The following QSER1 variants were observed in gnomAD, a reference collection of about 807,000 sequenced individuals.
QSER1 encodes glutamine and serine-rich protein 1.
Under a neutral mutation model 158.5 loss-of-function variants are expected in QSER1, and 49 were observed. The ratio of observed to expected loss-of-function variants is 0.31; its 90% confidence interval spans 0.25 to 0.39. The LOEUF (loss-of-function observed/expected upper bound fraction) is 0.39, where lower values mean the gene tolerates loss of function less well. Among genes scored for constraint, QSER1 ranks in the 10% least tolerant of loss-of-function variants. The probability of loss-of-function intolerance (pLI) is 1.00; values close to 1 mark genes in which losing one functional copy is unlikely to be tolerated. For missense variants in QSER1, 1,754 were observed against 2,010.3 expected (o/e 0.87, Z 2.44); for synonymous variants, 650 against 715.5 (o/e 0.91, Z 1.46).
rs147780130 is a variant in QSER1 at position 32,898,792 on chromosome 11, G to A, written c.209+5458G>A. On this transcript the variant is annotated intron_variant, in intron 1 of 12. Transcript: ENST00000650167. Reference sequence around the variant, plus strand: ...TCTTGCTATGTTGACCAGGCTGGTCGGGAACTCTTGGCCTCAAGCAGTCTT... The same window carrying A: ...TCTTGCTATGTTGACCAGGCTGGTCAGGAACTCTTGGCCTCAAGCAGTCTT... Among the ~76,000 whole-genome samples the A allele has an allele frequency of 1.1e-4, 16 of 152,182 alleles. No homozygotes were observed. In the East Asian group the frequency reaches 1.5e-3, roughly 15 times the overall value.
rs1852087066 is a variant in QSER1 at position 32,933,529 on chromosome 11, A to G, written c.2271A>G (p.Ala757=). ...EDQVIGVALQ[A]SKKEESVVGS... ...AAGTTATTGGGGTTGCTCTGCAAGCATCAAAAAAAGAAGAAAGTGTTGTTG... is the reference window on the plus strand; with the variant it reads ...AAGTTATTGGGGTTGCTCTGCAAGCGTCAAAAAAAGAAGAAAGTGTTGTTG... The change falls in exon 4 of 13, where the codon GCA becomes GCG. Residue 757 remains alanine (A), a synonymous_variant. Transcript: ENST00000650167. The G allele has an allele frequency of 4.3e-6, 7 of 1,613,174 alleles. No homozygotes were observed. The highest frequency in any genetic ancestry group is 5.9e-6 in the Non-Finnish European group (7 of 1,179,738).
intron 4 of QSER1, 79 bp downstream of exon 4, chr11:32,935,514 C>A: frequency 9.4e-7 from 1 of 1,068,402 alleles, no homozygotes; most frequent in Non-Finnish European, 1.3e-6. Flanking sequence ...AAGCTTTTTT[C>A]ACTTAAAGCA....
At chr11:32,967,602 A>G (rs1414379555) in intron 9 of QSER1, among the ~76,000 whole-genome samples, 3 of 152,224 alleles carry the variant, frequency 2.0e-5, no homozygotes, top group African/African-American at 7.2e-5. Context: ...GCAGTGCATG[A>G]CTATATACTG....
At chr11:32,919,450 TA>T (rs1416789550) in intron 1 of QSER1, among the ~76,000 whole-genome samples, 10 of 152,330 alleles carry the variant, frequency 6.6e-5, no homozygotes, top group Admixed American at 3.3e-4. Flanking sequence ...GGAATTTGCC[TA>T]ATGTTTTTTC....
Position 32,935,338 on chromosome 11 carries a change from T to C in QSER1, c.4080T>C (p.Ser1360=), listed in dbSNP as rs777135107. The change falls in exon 4 of 13, where the codon TCT becomes TCC. Residue 1360 remains serine (S), a synonymous_variant. Transcript: ENST00000650167. ...KNLEHLSSFS[S]DEDDPGYSQD... Reference sequence around the variant, plus strand: ...TGGAACATTTATCTTCATTTTCTTCTGATGAAGATGATCCTGGATATAGTC... The same window carrying C: ...TGGAACATTTATCTTCATTTTCTTCCGATGAAGATGATCCTGGATATAGTC... 1.2e-6 allele frequency: 2 copies of C among 1,612,892 alleles called. No individual in the cohort carries two copies. The highest frequency in any genetic ancestry group is 2.2e-5 in the East Asian group (1 of 44,884).
chr11:32,965,178 C>G (rs1564946740), intron 8 of QSER1, among the ~76,000 whole-genome samples: 1 of 152,078 alleles, frequency 6.6e-6, no homozygotes, highest in African/African-American at 2.4e-5. Context: ...GTGGCGCAGT[C>G]ACAGTTCTCT....
intron 4 of QSER1, among the ~76,000 whole-genome samples, chr11:32,943,864 C>G (rs1852283648): frequency 6.6e-6 from 1 of 151,982 alleles, no homozygotes; most frequent in South Asian, 2.1e-4. Context: ...CCATCTGGTC[C>G]TGGACTCTTT....
At chr11:32,911,666 C>G (rs1851768585) in intron 1 of QSER1, among the ~76,000 whole-genome samples, 1 of 152,178 alleles carries the variant, frequency 6.6e-6, no homozygotes, top group African/African-American at 2.4e-5. Context: ...GGCAGTTTCC[C>G]TTGCACTTGC....
At chr11:32,913,473 G>A (rs1851796131) in intron 1 of QSER1, among the ~76,000 whole-genome samples, 1 of 151,768 alleles carries the variant, frequency 6.6e-6, no homozygotes, top group Non-Finnish European at 1.5e-5. Flanking sequence ...GATTACAGGT[G>A]CGAGCTACCG....
In QSER1 at chr11:32,904,192, T is replaced by TC. The variant is rs1218579894; in HGVS notation, c.209+10858_209+10859insC. Among the ~76,000 whole-genome samples, 6 of 150,106 alleles carry TC rather than the reference T, an allele frequency of 4.0e-5. 1 individual carries two copies. Among genetic ancestry groups the TC allele is most frequent in the Admixed American group, 4.0e-4 (6 of 15,082 alleles). On this transcript the variant is annotated intron_variant, in intron 1 of 12. Transcript: ENST00000650167. ...GCAATAGTAAGCATTTCTTTTTCTTTTTTTTTTTTTTTTGTAGGGGAACAG... is the reference window on the plus strand; with the variant it reads ...GCAATAGTAAGCATTTCTTTTTCTTTCTTTTTTTTTTTTTGTAGGGGAACAG...
chr11:32,956,317 G>A (rs1246315560), intron 7 of QSER1, among the ~76,000 whole-genome samples, 196 bp downstream of exon 7: 12 of 152,060 alleles, frequency 7.9e-5, no homozygotes, highest in Non-Finnish European at 1.0e-4. Flanking sequence ...TATCTGTGGT[G>A]GGTGGGTGCC....
intron 4 of QSER1, among the ~76,000 whole-genome samples, chr11:32,942,710 A>T (rs1184970646): frequency 6.6e-6 from 1 of 152,218 alleles, no homozygotes. Flanking sequence ...TATCTTGGCA[A>T]TGCGGGCTCT....
In QSER1 at chr11:32,932,476, T is replaced by A. The variant is rs1590165818; in HGVS notation, c.1218T>A (p.Thr406=). 1 of 1,613,810 alleles carries A rather than the reference T, an allele frequency of 6.2e-7. No individual in the cohort carries two copies. The highest frequency in any genetic ancestry group is 1.3e-5 in the African/African-American group (1 of 75,028). The part of the protein sequence containing the change: ...AIPSSGYPPS[T]TKIKSCSTEQ... ...CATCATCAGGGTATCCTCCTTCTAC[T>A]ACAAAAATAAAAAGCTGTTCTACAG... Residue 406 remains threonine, a synonymous_variant, in exon 4 of 13, where the codon ACT becomes ACA. Transcript: ENST00000650167.
chr11:32,924,597 T>C (rs990652444), intron 1 of QSER1, among the ~76,000 whole-genome samples: 12 of 146,156 alleles, frequency 8.2e-5, no homozygotes, highest in African/African-American at 3.0e-4. Context: ...ATAAAGACAC[T>C]GGAAAATGAA....
rs749141767 is a variant in QSER1, at chr11:32,975,271, A to T, written c.5382A>T (p.Lys1794Asn). The T allele has an allele frequency of 1.9e-6, 3 of 1,573,430 alleles. No individual in the cohort carries two copies. The highest frequency in any genetic ancestry group is 1.9e-5 in the Admixed American group (1 of 53,212). ...SAQEFAVDPE[K>N]IQLYSLYHSL... The stretch of plus-strand genomic sequence containing the variant: ...AGGAGTTTGCTGTCGATCCAGAGAA[A>T]ATACAGTTGTATTCTTTGTATCATT... Residue 1794 changes from lysine to asparagine, a missense_variant, in exon 12 of 13, where the codon AAA becomes AAT. Physicochemically the swap from Lys to Asn is moderately conservative, Grantham distance 94. Around this residue, in one of 2 missense-constraint regions of QSER1, gnomAD observed 47 missense variants for 90.7 expected, o/e 0.52. Coordinates refer to ENST00000650167, the MANE Select transcript of QSER1 (RefSeq NM_001076786.3).
chr11:32,967,238 A>T (rs56035791), intron 9 of QSER1, among the ~76,000 whole-genome samples: 1 of 152,206 alleles, frequency 6.6e-6, no homozygotes, highest in African/African-American at 2.4e-5. Context: ...TGGAGAACCA[A>T]ATATCACATG....
rs115800690 is a variant in QSER1 at position 32,962,492 on chromosome 11, C to G, written c.4970-3808C>G. 2.4e-4 allele frequency among the ~76,000 whole-genome samples: 37 copies of G among 152,150 alleles called. No homozygotes were observed. The East Asian group carries it at 6.9e-3, about 29-fold the overall frequency. On this transcript the variant is annotated intron_variant, in intron 8 of 12. Transcript: ENST00000650167. ...TCTTTTTCACTTTCTTGATAATATC[C>G]TTTGATGCACAAAAGTTTTAAATTT... is the stretch of plus-strand genomic sequence containing the variant.
chr11:32,892,863 T>TCGCCGC lies in QSER1; in HGVS notation c.-262_-257dup, dbSNP rs1851498860. On this transcript the variant is annotated 5_prime_UTR_variant, in exon 1 of 13. Transcript: ENST00000650167. ...GCAGCGGCCGCCGCCGCCGCCGCCGTCGCCGCGAGTCCCGGCCGCGGGTGC... is the reference window on the plus strand; with the variant it reads ...GCAGCGGCCGCCGCCGCCGCCGCCGTCGCCGCCGCCGCGAGTCCCGGCCGCGGGTGC... 3.4e-5 allele frequency among the ~76,000 whole-genome samples: 1 copy of TCGCCGC among 29,264 alleles called. No homozygotes were observed. The highest frequency in any genetic ancestry group is 6.8e-5 in the Non-Finnish European group (1 of 14,728). The allele number at this position is 29,264 out of a possible 152,430, so 19.2% of individuals were successfully genotyped here.
Position 32,932,834 on chromosome 11 carries a change from A to C in QSER1, c.1576A>C (p.Asn526His), listed in dbSNP as rs755174623. ...PENQTLNYSS[N>H]QQEVLSSVTN... ...AAATCAGACGCTTAATTATTCATCTAATCAGCAAGAGGTATTGTCTTCAGT... is the reference window on the plus strand; with the variant it reads ...AAATCAGACGCTTAATTATTCATCTCATCAGCAAGAGGTATTGTCTTCAGT... The change falls in exon 4 of 13, where the codon AAT becomes CAT. Residue 526 changes from asparagine (N) to histidine (H), a missense_variant. Around this residue, in one of 2 missense-constraint regions of QSER1, gnomAD observed 1,707 missense variants for 1,919.6 expected, o/e 0.89. Transcript: ENST00000650167. The C allele has an allele frequency of 3.1e-6, 5 of 1,614,016 alleles. No individual in the cohort carries two copies. Among genetic ancestry groups the C allele is most frequent in the South Asian group, 2.2e-5 (2 of 91,070 alleles).
Sources: gnomAD v4.1 joint callset for allele counts (sites outside exome capture counted in the v4.1 genomes callset) on GRCh38, gnomAD v4.1.1 for gene constraint, gnomAD v4.1.1 regional missense constraint, MANE v1.5 for transcripts, NCBI Gene and HGNC (gene_info 2026-07-23, HGNC 2026-07-21) for gene names.